ENOX1: variants seen among roughly 807,000 people sequenced by gnomAD.
ENOX1 encodes the protein ecto-NOX disulfide-thiol exchanger 1.
ENOX1 carries 42 observed loss-of-function variants against 82.5 expected under a neutral mutation model. The observed-to-expected ratio is 0.51, with a 90% CI of 0.40 to 0.66. The LOEUF is 0.66. Ranked by LOEUF, ENOX1 falls within the 30% of genes least tolerant of loss-of-function variation. The pLI is 0.00. For synonymous variants in ENOX1, 271 were observed against 282.2 expected, an observed-to-expected ratio of 0.96 and a Z score of 0.40; for missense variants, 608 against 811.6, an observed-to-expected ratio of 0.75 and a Z score of 3.05.
intron 2 of ENOX1, among the ~76,000 whole-genome samples, chr13:43,503,598 C>G (rs1380068555): frequency 6.6e-6 from 1 of 151,626 alleles, no homozygotes; most frequent in Non-Finnish European, 1.5e-5. Flanking sequence ...ATCCAATGAT[C>G]TGCAACAAGG....
intron 1 of ENOX1, among the ~76,000 whole-genome samples, chr13:43,714,913 T>C (rs2088006608): frequency 6.6e-6 from 1 of 152,224 alleles, no homozygotes; most frequent in Middle Eastern, 3.2e-3. Context: ...CATTTACATT[T>C]AAAGTTAATA....
At chr13:43,518,835 T>C (rs184557636) in intron 2 of ENOX1, among the ~76,000 whole-genome samples, 115 of 152,314 alleles carry the variant, frequency 7.6e-4, no homozygotes, top group African/African-American at 2.3e-3. Context: ...CTCTGAGAGA[T>C]AGAATAATTC....
At chr13:43,734,847 G>A (rs2089535936) in intron 1 of ENOX1, among the ~76,000 whole-genome samples, 1 of 152,166 alleles carries the variant, frequency 6.6e-6, no homozygotes, top group African/African-American at 2.4e-5. Context: ...GGACAGCTCT[G>A]GAAGACAGAA....
chr13:43,550,558 C>T (rs2079151105), intron 2 of ENOX1, among the ~76,000 whole-genome samples: 1 of 152,132 alleles, frequency 6.6e-6, no homozygotes, highest in African/African-American at 2.4e-5. Context: ...TACTTGACTG[C>T]AGATAAGGTA....
At chr13:43,710,552 G>A (rs7993757) in intron 1 of ENOX1, among the ~76,000 whole-genome samples, 14,289 of 151,924 alleles carry the variant, frequency 0.094, 1,095 homozygotes, top group East Asian at 0.26. Flanking sequence ...ACTACTTCAG[G>A]CCAACACTAT....
At position 43,326,361 on chromosome 13, in the gene ENOX1, A is replaced by G. The variant is rs1264490682; in HGVS notation, c.1143+58T>C. The stretch of plus-strand genomic sequence containing the variant: ...AAACCATCATGGCTGCAGCCATGCT[A>G]TTCTCTGCCAATCCAGCTGTGTGAT... On this transcript the variant is annotated intron_variant, in intron 10 of 16. Coordinates refer to ENST00000690772, the MANE Select transcript of ENOX1 (RefSeq NM_001347969.2). The G allele has an allele frequency of 1.2e-5, 17 of 1,452,214 alleles. No homozygotes were observed. In the East Asian group the frequency reaches 2.7e-4, roughly 23 times the overall value. 90.0% of individuals were successfully genotyped at this position (1,452,214 alleles called of 1,614,324 possible).
At chr13:43,374,523 G>A (rs946606501) in intron 5 of ENOX1, among the ~76,000 whole-genome samples, 1 of 152,098 alleles carries the variant, frequency 6.6e-6, no homozygotes, top group African/African-American at 2.4e-5. Context: ...GGGATTACAG[G>A]CATGAGCCAC....
At chr13:43,280,148 C>T (rs186633133) in intron 12 of ENOX1, among the ~76,000 whole-genome samples, 1 of 152,224 alleles carries the variant, frequency 6.6e-6, no homozygotes, top group Non-Finnish European at 1.5e-5. Context: ...TGCTTTCCAG[C>T]CAGGTTGGCC....
chr13:43,466,809 C>T (rs1290838556), intron 3 of ENOX1, among the ~76,000 whole-genome samples: 2 of 152,180 alleles, frequency 1.3e-5, no homozygotes, highest in Non-Finnish European at 2.9e-5. Flanking sequence ...TTCCCCCCAG[C>T]CCAGTCCCTT....
chr13:43,621,936 C>A (rs1042238344), intron 2 of ENOX1, among the ~76,000 whole-genome samples: 3 of 152,140 alleles, frequency 2.0e-5, no homozygotes, highest in Non-Finnish European at 2.9e-5. Flanking sequence ...TTCTTGGATG[C>A]TCTGTTCCTA....
chr13:43,594,041 G>T (rs1205843579), intron 2 of ENOX1, among the ~76,000 whole-genome samples: 1 of 152,156 alleles, frequency 6.6e-6, no homozygotes, highest in Non-Finnish European at 1.5e-5. Context: ...GCTCGGAGGA[G>T]TGAAGGGATT....
chr13:43,436,995 CA>C (rs2056068890), intron 3 of ENOX1, among the ~76,000 whole-genome samples: 1 of 152,100 alleles, frequency 6.6e-6, no homozygotes. Flanking sequence ...AGGGTAAAGA[CA>C]AACACCAGTG....
At chr13:43,352,128 C>T (rs2049846392) in intron 8 of ENOX1, among the ~76,000 whole-genome samples, 1 of 152,318 alleles carries the variant, frequency 6.6e-6, no homozygotes, top group African/African-American at 2.4e-5. Flanking sequence ...CTCTGGCAGG[C>T]TGACATGAGG....
At chr13:43,740,740 C>T (rs1032364816) in intron 1 of ENOX1, among the ~76,000 whole-genome samples, 2 of 152,158 alleles carry the variant, frequency 1.3e-5, no homozygotes, top group South Asian at 2.1e-4. Context: ...TGGAGTCATA[C>T]AATATGTGGT....
intron 2 of ENOX1, among the ~76,000 whole-genome samples, chr13:43,609,001 C>G (rs1427262656): frequency 2.0e-5 from 3 of 152,172 alleles, no homozygotes; most frequent in African/African-American, 7.2e-5. Flanking sequence ...TTCTGCTATT[C>G]AGAACTCTCC....
chr13:43,775,366 T>C (rs549749002), intron 1 of ENOX1, among the ~76,000 whole-genome samples: 2 of 152,220 alleles, frequency 1.3e-5, no homozygotes, highest in East Asian at 1.9e-4. Context: ...GCTCTCGAAC[T>C]CTTAGTCTCA....
At chr13:43,413,076 C>A (rs914173027) in intron 3 of ENOX1, 88 bp from the exon 4 acceptor site, 4 of 1,311,834 alleles carry the variant, frequency 3.0e-6, no homozygotes, top group Non-Finnish European at 3.0e-6. Context: ...TATTCAAAAT[C>A]AAAAACAAAG....
In ENOX1 at chr13:43,690,550, C is replaced by T. The variant is rs117048727; in HGVS notation, c.-284-23006G>A. 6.4e-3 allele frequency among the ~76,000 whole-genome samples: 979 copies of T among 152,188 alleles called. 9 individuals are homozygous for T. Among genetic ancestry groups the T allele is most frequent in the Non-Finnish European group, 8.8e-3 (600 of 68,010 alleles). ...CTCGTCTTCACATTGTAACTCATAT[C>T]AGGAATGAATTTAACCATTGGAAAT... is the stretch of plus-strand genomic sequence containing the variant. On this transcript the variant is annotated intron_variant, in intron 1 of 16. Coordinates refer to ENST00000690772, the MANE Select transcript of ENOX1 (RefSeq NM_001347969.2).
intron 2 of ENOX1, among the ~76,000 whole-genome samples, chr13:43,615,589 TTTATTA>T (rs895134688): frequency 6.6e-6 from 1 of 152,028 alleles, no homozygotes; most frequent in Non-Finnish European, 1.5e-5. Flanking sequence ...TCTTCTTAAG[TTTATTA>T]TTATTATTAT....
Sources: allele counts gnomAD v4.1 joint callset (sites outside exome capture counted in the v4.1 genomes callset), GRCh38; gene constraint gnomAD v4.1.1; transcripts MANE v1.5; gene names NCBI Gene and HGNC (gene_info 2026-07-23, HGNC 2026-07-21).